GRM8: variants seen among roughly 807,000 people sequenced by gnomAD.
GRM8 encodes metabotropic glutamate receptor 8.
GRM8 carries 47 observed loss-of-function variants against 87.2 expected under a neutral mutation model. The ratio of observed to expected loss-of-function variants is 0.54; its 90% CI spans 0.43 to 0.69. The LOEUF (loss-of-function observed/expected upper bound fraction) is 0.69, where lower values mean the gene tolerates loss of function less well. Ranked by LOEUF, GRM8 falls within the 30% of genes least tolerant of loss-of-function variation. The pLI, the probability that GRM8 is intolerant of heterozygous loss-of-function variation, is 0.00. For synonymous variants in GRM8, 396 were observed against 404.5 expected, an observed-to-expected ratio of 0.98 and a Z score of 0.25; for missense variants, 1,019 against 1,139.2, an observed-to-expected ratio of 0.89 and a Z score of 1.52.
chr7:126,983,260 T>C (rs1381084705), intron 3 of GRM8, among the ~76,000 whole-genome samples: 2 of 151,238 alleles, frequency 1.3e-5, no homozygotes, highest in Non-Finnish European at 2.9e-5. Flanking sequence ...GGAGTAATGG[T>C]GAGTGGTGCC....
intron 2 of GRM8, among the ~76,000 whole-genome samples, chr7:127,232,239 GAC>G (rs1446717482): frequency 1.3e-5 from 2 of 149,826 alleles, no homozygotes; most frequent in Admixed American, 6.7e-5. Context: ...GAGAGAGAGA[GAC>G]AGACAGACAG....
At chr7:126,690,593 C>A (rs1317463755) in intron 7 of GRM8, among the ~76,000 whole-genome samples, 1 of 152,170 alleles carries the variant, frequency 6.6e-6, no homozygotes, top group East Asian at 1.9e-4. Flanking sequence ...TCTAGTAGAC[C>A]ACAACATGGT....
At chr7:127,232,210 TGTGAGA>T (rs1429895060) in intron 2 of GRM8, among the ~76,000 whole-genome samples, 110 of 146,086 alleles carry the variant, frequency 7.5e-4, no homozygotes, top group South Asian at 5.6e-3. Flanking sequence ...TGTGTGTGTG[TGTGAGA>T]GAGAGAGAGA....
chr7:126,874,812 A>G (rs769434457), intron 6 of GRM8, among the ~76,000 whole-genome samples: 17 of 152,246 alleles, frequency 1.1e-4, no homozygotes, highest in Non-Finnish European at 2.2e-4. Context: ...ACATTTGACC[A>G]TTTTAATTGT....
intron 7 of GRM8, among the ~76,000 whole-genome samples, chr7:126,623,762 C>T (rs764717917): frequency 2.0e-5 from 3 of 152,146 alleles, no homozygotes; most frequent in Non-Finnish European, 4.4e-5. Flanking sequence ...ATCTAAACTT[C>T]TCCAGAGGTA....
At chr7:127,033,562 G>A (rs1415748683) in intron 3 of GRM8, among the ~76,000 whole-genome samples, 1 of 152,074 alleles carries the variant, frequency 6.6e-6, no homozygotes, top group Non-Finnish European at 1.5e-5. Context: ...AGATTTAAAA[G>A]GTTAAGTAGT....
rs1051146343 is a variant in GRM8 at position 127,203,707 on chromosome 7, C to CAAAAT, written c.510+38983_510+38987dup. On this transcript the variant is annotated intron_variant, in intron 2 of 10. Coordinates refer to ENST00000339582, the MANE Select transcript of GRM8 (RefSeq NM_000845.3). The stretch of plus-strand genomic sequence containing the variant: ...TGGGCGACACAGCAAGACTCCATCT[C>CAAAAT]AAAATAAAATAAAATAAAATAAAAT... 8.0e-4 allele frequency among the ~76,000 whole-genome samples: 112 copies of CAAAAT among 140,396 alleles called. 1 individual carries two copies. In the Middle Eastern group the frequency reaches 0.016, roughly 20 times the overall value. The allele number at this position is 140,396 out of a possible 152,430, so 92.1% of individuals were successfully genotyped here.
At chr7:127,222,550 AATT>A (rs1159918067) in intron 2 of GRM8, among the ~76,000 whole-genome samples, 1 of 150,844 alleles carries the variant, frequency 6.6e-6, no homozygotes, top group Non-Finnish European at 1.5e-5. Flanking sequence ...ACTCTGGAGT[AATT>A]ATTTAACTAT....
intron 6 of GRM8, among the ~76,000 whole-genome samples, chr7:126,822,637 A>G (rs1327495383): frequency 2.0e-5 from 3 of 151,868 alleles, no homozygotes; most frequent in African/African-American, 7.3e-5. Flanking sequence ...AGGCATGGTC[A>G]TAGCACACTA....
At chr7:126,807,184 C>T (rs1237788573) in intron 6 of GRM8, among the ~76,000 whole-genome samples, 2 of 152,148 alleles carry the variant, frequency 1.3e-5, no homozygotes, top group African/African-American at 4.8e-5. Context: ...AAGACTAGGT[C>T]TTCTCCTCCA....
chr7:126,744,117 C>T (rs1227308005), intron 7 of GRM8, among the ~76,000 whole-genome samples: 2 of 151,886 alleles, frequency 1.3e-5, no homozygotes, highest in Admixed American at 1.3e-4. Flanking sequence ...AGTAAAAAAA[C>T]AGTGAAATGT....
At chr7:126,449,200 A>C (rs1802348399) in intron 9 of GRM8, among the ~76,000 whole-genome samples, 1 of 151,782 alleles carries the variant, frequency 6.6e-6, no homozygotes, top group Admixed American at 6.6e-5. Flanking sequence ...TTTACAGAGA[A>C]ACTCTAGAGT....
chr7:127,078,294 CCACCG>C (rs1162579576), intron 3 of GRM8, among the ~76,000 whole-genome samples: 1 of 152,222 alleles, frequency 6.6e-6, no homozygotes, highest in Non-Finnish European at 1.5e-5. Flanking sequence ...TTTTTACACA[CCACCG>C]TCCTACCATC....
At position 126,609,383 on chromosome 7, in the gene GRM8, C is replaced by T. The variant is rs1262559855; in HGVS notation, c.1473G>A (p.Trp491Ter). 1 of 1,613,516 alleles carries T rather than the reference C, an allele frequency of 6.2e-7. No homozygotes were observed. The highest frequency in any genetic ancestry group is 1.1e-5 in the South Asian group (1 of 91,024). The change falls in exon 8 of 11, where the codon TGG (tryptophan) becomes TGA (stop). Residue 491 changes from tryptophan to a stop codon, truncating the protein, a stop_gained. Coordinates refer to ENST00000339582, the MANE Select transcript of GRM8 (RefSeq NM_000845.3). LOFTEE classifies it high-confidence loss of function. ...KSTEYKVIGH[W>*]TNQLHLKVED... ...TTGCTTTTAGATGAAGCTGATTGGT[C>T]CAGTGGCCGATGACTTTGTACTCTG... is the stretch of plus-strand genomic sequence containing the variant.
Position 126,871,224 on chromosome 7 carries a change from G to A in GRM8, c.1156+31318C>T, listed in dbSNP as rs1442078382. Among the ~76,000 whole-genome samples, 6 of 152,202 alleles carry A rather than the reference G, an allele frequency of 3.9e-5. No homozygotes were observed. In the East Asian group the frequency reaches 1.2e-3, roughly 29 times the overall value. On this transcript the variant is annotated intron_variant, in intron 6 of 10. Transcript: ENST00000339582. ...ATGGAAAAGTCCACAAAAATGAATA[G>A]AATCGTTCTCTATAAGCCTATGCCA... is the stretch of plus-strand genomic sequence containing the variant.
intron 3 of GRM8, among the ~76,000 whole-genome samples, chr7:126,926,340 C>T (rs2131397464): frequency 6.6e-6 from 1 of 152,016 alleles, no homozygotes; most frequent in African/African-American, 2.4e-5. Flanking sequence ...TATCTTACAC[C>T]CCTCACTGTG....
At chr7:126,579,011 T>G (rs555898699) in intron 8 of GRM8, among the ~76,000 whole-genome samples, 4 of 152,178 alleles carry the variant, frequency 2.6e-5, no homozygotes, top group African/African-American at 4.8e-5. Flanking sequence ...ACCAGACTTT[T>G]TCATGGCCAT....
intron 7 of GRM8, among the ~76,000 whole-genome samples, chr7:126,680,733 G>T (rs1373305784): frequency 1.3e-5 from 2 of 152,166 alleles, no homozygotes; most frequent in African/African-American, 4.8e-5. Flanking sequence ...CTTTGCTTAG[G>T]AGAATGTAAG....
At chr7:127,218,749 T>A (rs1796729841) in intron 2 of GRM8, among the ~76,000 whole-genome samples, 2 of 152,202 alleles carry the variant, frequency 1.3e-5, no homozygotes. Flanking sequence ...CAGCCCATGG[T>A]CTACTGACAG....
Sources: gnomAD v4.1 joint callset for allele counts (sites outside exome capture counted in the v4.1 genomes callset) on GRCh38, gnomAD v4.1.1 for gene constraint, MANE v1.5 for transcripts, NCBI Gene and HGNC (gene_info 2026-07-23, HGNC 2026-07-21) for gene names.